Variants in MYO1D observed in about 807,000 individuals in gnomAD.
The protein encoded by MYO1D is myosin ID.
MYO1D carries 83 observed loss-of-function variants against 122.0 expected under a neutral mutation model. The ratio of observed to expected loss-of-function variants is 0.68; its 90% CI spans 0.57 to 0.82. The LOEUF (loss-of-function observed/expected upper bound fraction) is 0.82, where lower values mean the gene tolerates loss of function less well. Ranked by LOEUF, MYO1D falls within the 40% of genes least tolerant of loss-of-function variation. The probability of loss-of-function intolerance (pLI) is 0.00; values close to 1 mark genes in which losing one functional copy is unlikely to be tolerated. For missense variants in MYO1D, 1,157 were observed against 1,269.5 expected, an observed-to-expected ratio of 0.91 and a Z score of 1.35; for synonymous variants, 464 against 446.9, an observed-to-expected ratio of 1.04 and a Z score of -0.48.
intron 1 of MYO1D, among the ~76,000 whole-genome samples, chr17:32,849,812 A>AT (rs933981100): frequency 1.1e-4 from 2 of 18,132 alleles, no homozygotes; most frequent in African/African-American, 1.9e-4. Context: ...TTAAAGTATA[A>AT]TAAAAAAAAA....
chr17:32,772,793 T>G lies in MYO1D; in HGVS notation c.614A>C (p.Tyr205Ser), dbSNP rs761084897. The G allele has an allele frequency of 2.5e-6, 4 of 1,608,482 alleles. No homozygotes were observed. The highest frequency in any genetic ancestry group is 4.5e-5 in the East Asian group (2 of 44,868). ...TCTGTATAATGGATTACTAACCTGATAGAAAGAATGAAAGCTTCTTTCTCC... is the reference window on the plus strand; with the variant it reads ...TCTGTATAATGGATTACTAACCTGAGAGAAAGAATGAAAGCTTCTTTCTCC... ...QPGERSFHSF[Y>S]QLLQGGSEQM... The change falls in exon 5 of 22, where the codon TAT becomes TCT. Residue 205 changes from tyrosine (Y) to serine (S), a missense_variant. Coordinates refer to ENST00000318217, the MANE Select transcript of MYO1D (RefSeq NM_015194.3).
chr17:32,799,840 A>T (rs2090446236), intron 1 of MYO1D, among the ~76,000 whole-genome samples: 1 of 152,160 alleles, frequency 6.6e-6, no homozygotes, highest in Non-Finnish European at 1.5e-5. Context: ...AACTCAAACT[A>T]CTCAATAATA....
chr17:32,524,868 ATTC>A (rs1388905579), intron 21 of MYO1D, among the ~76,000 whole-genome samples: 1 of 151,928 alleles, frequency 6.6e-6, no homozygotes. Flanking sequence ...GCCTTGACTA[ATTC>A]TTTTAATTTT....
chr17:32,861,436 CAAAA>C (rs565060284), intron 1 of MYO1D, among the ~76,000 whole-genome samples: 1 of 152,046 alleles, frequency 6.6e-6, no homozygotes, highest in Non-Finnish European at 1.5e-5. Context: ...ACGAATGTGA[CAAAA>C]AACAAACATT....
At chr17:32,820,328 C>T (rs781309463) in intron 1 of MYO1D, among the ~76,000 whole-genome samples, 13 of 152,164 alleles carry the variant, frequency 8.5e-5, no homozygotes, top group Non-Finnish European at 1.9e-4. Context: ...ATGTTCACTG[C>T]AGCATATTCA....
At chr17:32,635,702 G>C (rs546966284) in intron 20 of MYO1D, among the ~76,000 whole-genome samples, 9 of 152,054 alleles carry the variant, frequency 5.9e-5, no homozygotes, top group East Asian at 1.9e-4. Flanking sequence ...CGGGTGGCGG[G>C]GGGGTGGAAA....
chr17:32,582,364 T>C (rs1239635179), intron 21 of MYO1D, among the ~76,000 whole-genome samples: 1 of 152,252 alleles, frequency 6.6e-6, no homozygotes, highest in Non-Finnish European at 1.5e-5. Flanking sequence ...ATGTTATTGT[T>C]TTCATATTCA....
chr17:32,873,891 G>A (rs1005491623), intron 1 of MYO1D, among the ~76,000 whole-genome samples: 4 of 152,134 alleles, frequency 2.6e-5, no homozygotes, highest in Admixed American at 2.0e-4. Context: ...CTAAAAACCT[G>A]GGCCTTAGCC....
chr17:32,822,560 G>C (rs945552710), intron 1 of MYO1D, among the ~76,000 whole-genome samples: 1 of 127,878 alleles, frequency 7.8e-6, no homozygotes, highest in Non-Finnish European at 1.8e-5. Context: ...TCGGGACGGG[G>C]CCCGGGGAGC....
intron 1 of MYO1D, among the ~76,000 whole-genome samples, chr17:32,827,894 A>C (rs978916219): frequency 1.3e-5 from 2 of 152,266 alleles, no homozygotes; most frequent in African/African-American, 4.8e-5. Flanking sequence ...TATGATGCTT[A>C]TCATTACTTA....
chr17:32,655,857 C>T (rs184105947), intron 17 of MYO1D, among the ~76,000 whole-genome samples: 61 of 152,090 alleles, frequency 4.0e-4, no homozygotes, highest in Non-Finnish European at 7.5e-4. Context: ...AACACACATG[C>T]TAGAGTAAGG....
rs145715448 is a variant in MYO1D at position 32,742,136 on chromosome 17, C to T, written c.1613+3075G>A. ...CTCTAAACAATACAACAACTATTTA[C>T]ATAGCACTTACATTTCATTAGGTTT... is the stretch of plus-strand genomic sequence containing the variant. On this transcript the variant is annotated intron_variant, in intron 13 of 21. Coordinates refer to ENST00000318217, the MANE Select transcript of MYO1D (RefSeq NM_015194.3). Among the ~76,000 whole-genome samples, 338 of 152,026 alleles carry T rather than the reference C, an allele frequency of 2.2e-3. 1 individual carries two copies. Among genetic ancestry groups the T allele is most frequent in the African/African-American group, 6.0e-3 (248 of 41,452 alleles).
chr17:32,637,499 C>T (rs976603382), intron 20 of MYO1D, among the ~76,000 whole-genome samples: 1 of 151,896 alleles, frequency 6.6e-6, no homozygotes, highest in African/African-American at 2.4e-5. Flanking sequence ...GGCGAAACCC[C>T]TCATCTCTAC....
intron 1 of MYO1D, among the ~76,000 whole-genome samples, chr17:32,790,983 G>C (rs2090344621): frequency 6.6e-6 from 1 of 152,190 alleles, no homozygotes; most frequent in Admixed American, 6.5e-5. Context: ...GAGCCAGAAA[G>C]TAGGAAACGC....
At chr17:32,806,522 G>T (rs2090514566) in intron 1 of MYO1D, among the ~76,000 whole-genome samples, 1 of 151,916 alleles carries the variant, frequency 6.6e-6, no homozygotes, top group South Asian at 2.1e-4. Flanking sequence ...ATGCCAGCAC[G>T]CCCAGCTGAT....
intron 1 of MYO1D, among the ~76,000 whole-genome samples, chr17:32,818,487 G>A (rs549104750): frequency 4.6e-5 from 7 of 152,230 alleles, no homozygotes; most frequent in South Asian, 4.2e-4. Context: ...AGACCCATTC[G>A]GCTCAAGGAT....
At chr17:32,707,340 G>C (rs1393745496) in intron 16 of MYO1D, among the ~76,000 whole-genome samples, 1 of 151,972 alleles carries the variant, frequency 6.6e-6, no homozygotes, top group Non-Finnish European at 1.5e-5. Flanking sequence ...TTGATCAGAA[G>C]GGAAAAAATT....
At position 32,493,738 on chromosome 17, in the gene MYO1D, C is replaced by G. The variant is rs557004775; in HGVS notation, c.*1021G>C. 1 of 152,238 alleles carries G rather than the reference C, an allele frequency of 6.6e-6. No homozygotes were observed. Among genetic ancestry groups the G allele is most frequent in the Non-Finnish European group, 1.5e-5 (1 of 68,060 alleles). The allele number at this position is 152,238 out of a possible 1,614,324, so 9.4% of individuals were successfully genotyped here. A position where few individuals can be genotyped will look rare whatever the true frequency, so the allele number is the denominator to read the frequency against. ...AGGCCCCAAGGGGCCGTGTAGAGGG[C>G]GGGGTGGGCATCCTGGCCTGGCCTG... On this transcript the variant is annotated 3_prime_UTR_variant, in exon 22 of 22. Transcript: ENST00000318217.
chr17:32,602,214 C>T (rs1034213090), intron 21 of MYO1D, among the ~76,000 whole-genome samples: 11 of 152,222 alleles, frequency 7.2e-5, no homozygotes, highest in Admixed American at 3.3e-4. Flanking sequence ...CTTACAATGT[C>T]TGTATCTGCT....
Sources: allele counts gnomAD v4.1 joint callset (sites outside exome capture counted in the v4.1 genomes callset), GRCh38; gene constraint gnomAD v4.1.1; transcripts MANE v1.5; gene names NCBI Gene and HGNC (gene_info 2026-07-23, HGNC 2026-07-21).